Variants in PRR5L observed in about 807,000 individuals in gnomAD.
PRR5L encodes the protein proline rich 5 like.
PRR5L carries 21 observed loss-of-function variants against 36.4 expected under a neutral mutation model. That is an observed-to-expected ratio of 0.58 (90% CI 0.41 to 0.83). The LOEUF is 0.83. Ranked by LOEUF, PRR5L falls within the 40% of genes least tolerant of loss-of-function variation. PRR5L has a pLI of 0.00. For missense variants in PRR5L, 381 were observed against 473.3 expected, an observed-to-expected ratio of 0.80 and a Z score of 1.81; for synonymous variants, 188 against 197.0, an observed-to-expected ratio of 0.95 and a Z score of 0.38.
chr11:36,343,984 A>G (rs1856841946), intron 1 of PRR5L, among the ~76,000 whole-genome samples: 2 of 151,882 alleles, frequency 1.3e-5, no homozygotes, highest in Non-Finnish European at 2.9e-5. Context: ...TGGGAGGCCG[A>G]GGCGGGTGGA....
At chr11:36,348,803 C>T (rs549939284) in intron 1 of PRR5L, among the ~76,000 whole-genome samples, 93 of 152,186 alleles carry the variant, frequency 6.1e-4, no homozygotes, top group South Asian at 2.1e-3. Context: ...CCTATAACTC[C>T]GCTACCAATG....
chr11:36,392,429 C>T (rs1442639272), intron 1 of PRR5L, among the ~76,000 whole-genome samples: 2 of 152,152 alleles, frequency 1.3e-5, no homozygotes, highest in Non-Finnish European at 2.9e-5. Context: ...TTTACATTCC[C>T]ACCAACAGTA....
chr11:36,421,524 A>T (rs1482273535), intron 4 of PRR5L, among the ~76,000 whole-genome samples: 3 of 152,186 alleles, frequency 2.0e-5, no homozygotes, highest in Non-Finnish European at 4.4e-5. Flanking sequence ...AGGCTCTCCT[A>T]GATACAGTTT....
At chr11:36,460,492 G>A (rs1859157597) in intron 8 of PRR5L, among the ~76,000 whole-genome samples, 1 of 152,076 alleles carries the variant, frequency 6.6e-6, no homozygotes, top group Non-Finnish European at 1.5e-5. Context: ...TATCTCTGTA[G>A]TATCTCTGTG....
intron 1 of PRR5L, among the ~76,000 whole-genome samples, chr11:36,324,783 T>A (rs1856643683): frequency 6.6e-6 from 1 of 152,160 alleles, no homozygotes; most frequent in Non-Finnish European, 1.5e-5. Flanking sequence ...AAATAAGTCA[T>A]CTATATTCCC....
chr11:36,351,225 T>A (rs1420410071), intron 1 of PRR5L, among the ~76,000 whole-genome samples: 25 of 84,838 alleles, frequency 2.9e-4, no homozygotes, highest in Non-Finnish European at 4.7e-4. Flanking sequence ...TAAATATATA[T>A]ATTTATATAT....
At position 36,462,404 on chromosome 11, in the gene PRR5L, G is replaced by A. The variant is rs750399408; in HGVS notation, c.775G>A (p.Ala259Thr). ...TVLNYASPITAVSRPLNEMVL... is the reference protein window; with the variant it reads ...TVLNYASPITTVSRPLNEMVL... ...CCTGAACTATGCCTCCCCGATAACC[G>A]CAGTCAGCCGGCCACTGAATGAGAT... Residue 259 changes from alanine to threonine, a missense_variant, in exon 9 of 9, where the codon GCA becomes ACA. Coordinates refer to ENST00000530639, the MANE Select transcript of PRR5L (RefSeq NM_001160167.2). The A allele has an allele frequency of 6.4e-6, 10 of 1,566,244 alleles. No individual in the cohort carries two copies. The highest frequency in any genetic ancestry group is 4.5e-5 in the East Asian group (2 of 44,252).
chr11:36,335,155 T>C (rs911964395), intron 1 of PRR5L, among the ~76,000 whole-genome samples: 9 of 152,076 alleles, frequency 5.9e-5, no homozygotes, highest in African/African-American at 1.7e-4. Flanking sequence ...GGTGCAATGA[T>C]GGCTCATTGT....
intron 1 of PRR5L, among the ~76,000 whole-genome samples, chr11:36,315,023 A>G (rs1856541188): frequency 6.6e-6 from 1 of 152,198 alleles, no homozygotes; most frequent in African/African-American, 2.4e-5. Context: ...AGAATCCTTC[A>G]TCTAAGTTGG....
chr11:36,362,812 A>C (rs1357599645), intron 1 of PRR5L, among the ~76,000 whole-genome samples: 3 of 152,088 alleles, frequency 2.0e-5, no homozygotes, highest in African/African-American at 7.2e-5. Flanking sequence ...GGCGACAGAC[A>C]GGTAAACTGA....
chr11:36,351,784 T>TAATTTATATATATTTATATATA (rs61146122), intron 1 of PRR5L, among the ~76,000 whole-genome samples: 1 of 107,814 alleles, frequency 9.3e-6, no homozygotes, highest in Non-Finnish European at 1.8e-5. Flanking sequence ...TATTTATATA[T>TAATTTATATATATTTATATATA]TTTTTTTATA....
chr11:36,307,199 T>C (rs940855321), intron 1 of PRR5L, among the ~76,000 whole-genome samples: 2 of 152,182 alleles, frequency 1.3e-5, no homozygotes, highest in African/African-American at 2.4e-5. Context: ...TATTTCCCCC[T>C]TCCCAGCTAC....
intron 1 of PRR5L, among the ~76,000 whole-genome samples, chr11:36,298,651 G>A (rs1476034361): frequency 6.6e-6 from 1 of 152,228 alleles, no homozygotes; most frequent in Non-Finnish European, 1.5e-5. Flanking sequence ...TGTCCCTGCT[G>A]TGTGGCCTGG....
intron 3 of PRR5L, among the ~76,000 whole-genome samples, chr11:36,405,860 G>A (rs2133564168): frequency 6.6e-6 from 1 of 152,194 alleles, no homozygotes; most frequent in Middle Eastern, 3.4e-3. Context: ...TACTTGATGG[G>A]GAGAGAGAGC....
chr11:36,326,303 A>ACG (rs1856661756), intron 1 of PRR5L, among the ~76,000 whole-genome samples: 1 of 6,802 alleles, frequency 1.5e-4, no homozygotes, highest in Non-Finnish European at 4.4e-4. Context: ...CCCAATAGAT[A>ACG]CACACACACA....
chr11:36,342,723 G>A (rs147894786), intron 1 of PRR5L, among the ~76,000 whole-genome samples: 221 of 152,194 alleles, frequency 1.5e-3, no homozygotes, highest in Middle Eastern at 0.01. Flanking sequence ...TCAGGGTCAG[G>A]GCTGACTCTT....
chr11:36,334,777 G>A (rs899290927), intron 1 of PRR5L, among the ~76,000 whole-genome samples: 3 of 152,066 alleles, frequency 2.0e-5, no homozygotes, highest in African/African-American at 7.2e-5. Context: ...TTGTATTCTG[G>A]AATCTAACTC....
At chr11:36,442,827 A>G (rs1189387657) in intron 6 of PRR5L, among the ~76,000 whole-genome samples, 1 of 152,004 alleles carries the variant, frequency 6.6e-6, no homozygotes, top group Non-Finnish European at 1.5e-5. Context: ...TGCTGTCCCT[A>G]TTTCTATCAG....
chr11:36,318,325 T>A (rs1856578756), intron 1 of PRR5L, among the ~76,000 whole-genome samples: 1 of 152,172 alleles, frequency 6.6e-6, no homozygotes, highest in Non-Finnish European at 1.5e-5. Flanking sequence ...TTTACTTTTT[T>A]AAGTCAATAA....
Sources: gnomAD v4.1 joint callset for allele counts (sites outside exome capture counted in the v4.1 genomes callset) on GRCh38, gnomAD v4.1.1 for gene constraint, MANE v1.5 for transcripts, NCBI Gene and HGNC (gene_info 2026-07-23, HGNC 2026-07-21) for gene names.